Variants in ELP4 observed in about 807,000 individuals in gnomAD.
ELP4 encodes the protein elongator complex protein 4.
A neutral mutation model predicts 48.9 loss-of-function variants in ELP4; 51 were observed. That is an observed-to-expected ratio of 1.04 (90% CI 0.83 to 1.32). The LOEUF (loss-of-function observed/expected upper bound fraction) is 1.32, where lower values mean the gene tolerates loss of function less well. Ranked by LOEUF, ELP4 falls within the 40% of genes most tolerant of loss-of-function variation. The pLI, the probability that ELP4 is intolerant of heterozygous loss-of-function variation, is 0.00. For synonymous variants in ELP4, 210 were observed against 189.2 expected, an observed-to-expected ratio of 1.11 and a Z score of -0.90; for missense variants, 519 against 514.6, an observed-to-expected ratio of 1.01 and a Z score of -0.08.
chr11:31,625,047 G>A (rs1944710169), intron 5 of ELP4, among the ~76,000 whole-genome samples: 1 of 150,556 alleles, frequency 6.6e-6, no homozygotes, highest in Non-Finnish European at 1.5e-5. Flanking sequence ...ATAAATAAAA[G>A]AAGTATACTC....
At chr11:31,715,099 A>G (rs531601131) in intron 9 of ELP4, 47 of 302,688 alleles carry the variant, frequency 1.6e-4, no homozygotes, top group African/African-American at 9.0e-4. Context: ...TCGTTGGCTC[A>G]GATGGCAACT....
chr11:31,514,551 G>C (rs1956071641), intron 1 of ELP4, among the ~76,000 whole-genome samples: 1 of 152,140 alleles, frequency 6.6e-6, no homozygotes, highest in African/African-American at 2.4e-5. Context: ...AGTAAACAAG[G>C]CCGTTTTACT....
intron 9 of ELP4, among the ~76,000 whole-genome samples, chr11:31,659,087 T>G (rs1945500691): frequency 6.6e-6 from 1 of 152,052 alleles, no homozygotes; most frequent in South Asian, 2.1e-4. Flanking sequence ...TAAATATAAA[T>G]TATTAGTTTT....
chr11:31,694,543 C>T (rs1030914801), intron 9 of ELP4, among the ~76,000 whole-genome samples: 4 of 152,100 alleles, frequency 2.6e-5, no homozygotes, highest in Admixed American at 6.6e-5. Context: ...GGTACCAGTA[C>T]CATGCTGTTT....
chr11:31,589,913 T>G (rs1302316278), intron 3 of ELP4, among the ~76,000 whole-genome samples: 1 of 152,178 alleles, frequency 6.6e-6, no homozygotes, highest in East Asian at 1.9e-4. Context: ...TATTTATTTG[T>G]TTGTTTATTG....
At chr11:31,584,004 T>C (rs553658597) in intron 3 of ELP4, among the ~76,000 whole-genome samples, 4 of 152,260 alleles carry the variant, frequency 2.6e-5, no homozygotes, top group South Asian at 4.1e-4. Context: ...TCCAGACCAA[T>C]GGTTTCATAA....
At chr11:31,571,864 G>A (rs1565059646) in intron 3 of ELP4, among the ~76,000 whole-genome samples, 1 of 152,146 alleles carries the variant, frequency 6.6e-6, no homozygotes, top group Non-Finnish European at 1.5e-5. Context: ...GGAAAACCAT[G>A]TTGTTTACAG....
At chr11:31,678,164 A>G (rs1051665728) in intron 9 of ELP4, among the ~76,000 whole-genome samples, 2 of 152,168 alleles carry the variant, frequency 1.3e-5, no homozygotes, top group Non-Finnish European at 2.9e-5. Flanking sequence ...TATGCATTTA[A>G]GGCCAGGTAC....
chr11:31,517,905 A>C (rs1275198458), intron 1 of ELP4, among the ~76,000 whole-genome samples: 2 of 152,130 alleles, frequency 1.3e-5, no homozygotes, highest in Non-Finnish European at 2.9e-5. Context: ...GTCGTGAGCC[A>C]CCGCACCCGG....
At chr11:31,755,805 C>A (rs1373653593) in intron 9 of ELP4, among the ~76,000 whole-genome samples, 2 of 151,314 alleles carry the variant, frequency 1.3e-5, no homozygotes, top group African/African-American at 4.8e-5. Flanking sequence ...TTAGTAATTA[C>A]TTATCAAATT....
intron 9 of ELP4, among the ~76,000 whole-genome samples, chr11:31,681,025 T>C (rs889708927): frequency 1.3e-5 from 2 of 152,216 alleles, no homozygotes; most frequent in African/African-American, 4.8e-5. Context: ...TAAGTTTTCT[T>C]GGTGAAACTT....
chr11:31,764,558 C>G (rs1565145847), intron 9 of ELP4, among the ~76,000 whole-genome samples: 2 of 152,160 alleles, frequency 1.3e-5, no homozygotes, highest in Non-Finnish European at 2.9e-5. Flanking sequence ...GTGCGGCCAT[C>G]AAGGCCGCAC....
At chr11:31,712,409 T>G (rs1392180148) in intron 9 of ELP4, among the ~76,000 whole-genome samples, 1 of 152,052 alleles carries the variant, frequency 6.6e-6, no homozygotes, top group African/African-American at 2.4e-5. Context: ...TAACCAGAGG[T>G]AAGTTTGAGA....
chr11:31,759,133 T>A (rs1456667807), intron 9 of ELP4, among the ~76,000 whole-genome samples: 1 of 152,234 alleles, frequency 6.6e-6, no homozygotes, highest in African/African-American at 2.4e-5. Context: ...TATATTCTGT[T>A]ACCTATACAA....
chr11:31,662,900 G>A, intron 9 of ELP4: 1 of 221,330 alleles, frequency 4.5e-6, no homozygotes, highest in Non-Finnish European at 8.8e-6. Context: ...CTCATTGTGT[G>A]CACATATTTT....
At chr11:31,672,742 T>G (rs1331290734) in intron 9 of ELP4, among the ~76,000 whole-genome samples, 1 of 152,132 alleles carries the variant, frequency 6.6e-6, no homozygotes, top group Non-Finnish European at 1.5e-5. Context: ...TGAGCCATGA[T>G]TGTGCCACTG....
At chr11:31,696,543 T>C (rs947574748) in intron 9 of ELP4, among the ~76,000 whole-genome samples, 26 of 152,172 alleles carry the variant, frequency 1.7e-4, no homozygotes, top group Admixed American at 4.6e-4. Flanking sequence ...CAGTTTGTTA[T>C]AATTTCTGTT....
At chr11:31,731,379 GTT>G (rs1398869118) in intron 9 of ELP4, among the ~76,000 whole-genome samples, 3 of 152,130 alleles carry the variant, frequency 2.0e-5, no homozygotes, top group African/African-American at 7.2e-5. Context: ...ACCAAACAAA[GTT>G]TGGAGCTGAA....
At chr11:31,546,122 T>A (rs1382383403) in intron 3 of ELP4, among the ~76,000 whole-genome samples, 1 of 151,654 alleles carries the variant, frequency 6.6e-6, no homozygotes, top group Admixed American at 6.6e-5. Flanking sequence ...AGGTTCAAAT[T>A]CACACATAAC....
Sources: allele counts gnomAD v4.1 joint callset (sites outside exome capture counted in the v4.1 genomes callset), GRCh38; gene constraint gnomAD v4.1.1; transcripts MANE v1.5; gene names NCBI Gene and HGNC (gene_info 2026-07-23, HGNC 2026-07-21).